The following SYT13 variants were observed in gnomAD, a reference collection of about 807,000 sequenced individuals.
SYT13 encodes synaptotagmin 13, also known as synaptotagmin-13.
A neutral mutation model predicts 38.6 loss-of-function variants in SYT13; 21 were observed. The observed-to-expected ratio is 0.54, with a 90% CI of 0.39 to 0.78. The LOEUF (loss-of-function observed/expected upper bound fraction) is 0.78. Among genes scored for constraint, SYT13 ranks in the 30% least tolerant of loss-of-function variants. The probability of loss-of-function intolerance (pLI) is 0.00; values close to 1 mark genes in which losing one functional copy is unlikely to be tolerated. For missense variants in SYT13, 495 were observed against 548.7 expected, an observed-to-expected ratio of 0.90 and a Z score of 0.98; for synonymous variants, 241 against 237.6, an observed-to-expected ratio of 1.01 and a Z score of -0.13.
chr11:45,249,454 T>C (rs1854648326), intron 4 of SYT13, among the ~76,000 whole-genome samples: 1 of 152,214 alleles, frequency 6.6e-6, no homozygotes, highest in Non-Finnish European at 1.5e-5. Context: ...TACACACATA[T>C]GTTTATTGCA....
rs543437571 is a variant in SYT13 at position 45,264,316 on chromosome 11, G to A, written c.184-8425C>T. On this transcript the variant is annotated intron_variant, in intron 1 of 5. Transcript: ENST00000020926. ...TGTCCTTGAGTATGGGCTGGACCTA[G>A]TGACTTGCTTCGAATGAACAGATTA... Among the ~76,000 whole-genome samples, 81 of 152,298 alleles carry A rather than the reference G, an allele frequency of 5.3e-4. 1 individual carries two copies. Among genetic ancestry groups the A allele is most frequent in the African/African-American group, 1.9e-3 (77 of 41,558 alleles).
chr11:45,269,401 T>C, intron 1 of SYT13: 1 of 1,173,680 alleles, frequency 8.5e-7, no homozygotes, highest in Non-Finnish European at 1.1e-6. Context: ...GATGGCAAGA[T>C]CCTACCTAGA....
chr11:45,282,019 G>C (rs1286295864), intron 1 of SYT13, among the ~76,000 whole-genome samples: 1 of 152,220 alleles, frequency 6.6e-6, no homozygotes, highest in Non-Finnish European at 1.5e-5. Flanking sequence ...GAAGTGGGCT[G>C]AGTGGCAGCC....
chr11:45,254,267 T>C lies in SYT13; in HGVS notation c.544+3A>G, dbSNP rs748353537. On this transcript the variant is annotated splice_donor_region_variant and intron_variant, in intron 3 of 5. Transcript: ENST00000020926. ...GCCCACGAGAGTCAAATAAGAGCCA[T>C]ACCTTCCAGGCGAGTCACAAACAAT... 1.2e-5 allele frequency: 19 copies of C among 1,609,018 alleles called. No individual in the cohort carries two copies. The highest frequency in any genetic ancestry group is 1.5e-5 in the Non-Finnish European group (18 of 1,177,684).
intron 1 of SYT13, among the ~76,000 whole-genome samples, chr11:45,265,373 C>T (rs1397702567): frequency 6.6e-6 from 1 of 152,246 alleles, no homozygotes. Context: ...CTGCTATTGA[C>T]CACAGTCACC....
intron 1 of SYT13, among the ~76,000 whole-genome samples, chr11:45,268,026 AG>A (rs1854906098): frequency 6.6e-6 from 1 of 152,110 alleles, no homozygotes; most frequent in Non-Finnish European, 1.5e-5. Context: ...AATCTAAAAA[AG>A]CCCATTTGTG....
At chr11:45,274,610 T>G (rs973535439) in intron 1 of SYT13, among the ~76,000 whole-genome samples, 13 of 152,192 alleles carry the variant, frequency 8.5e-5, no homozygotes, top group Non-Finnish European at 8.8e-5. Flanking sequence ...CATTCAGAAA[T>G]GCAGAATAAG....
chr11:45,245,716 A>G (rs992912215), intron 5 of SYT13, among the ~76,000 whole-genome samples: 3 of 152,212 alleles, frequency 2.0e-5, no homozygotes, highest in African/African-American at 7.2e-5. Context: ...GGGCTGGGGT[A>G]TCCAGAAGGA....
At chr11:45,285,971 C>T in intron 1 of SYT13, 54 bp downstream of exon 1, 1 of 1,568,928 alleles carries the variant, frequency 6.4e-7, no homozygotes, top group Non-Finnish European at 8.6e-7. Context: ...CCCTCTGCAG[C>T]TGCCCGGCAA....
intron 4 of SYT13, among the ~76,000 whole-genome samples, chr11:45,247,975 C>T (rs1346628306): frequency 6.6e-6 from 1 of 152,186 alleles, no homozygotes; most frequent in Non-Finnish European, 1.5e-5. Flanking sequence ...ACAGTCAAAA[C>T]AACAATTATT....
chr11:45,270,357 G>A (rs1207903266), intron 1 of SYT13, among the ~76,000 whole-genome samples: 3 of 152,090 alleles, frequency 2.0e-5, no homozygotes, highest in Non-Finnish European at 4.4e-5. Flanking sequence ...TCCCAAGACA[G>A]TCACTTTTGT....
intron 1 of SYT13, among the ~76,000 whole-genome samples, chr11:45,261,394 A>T (rs1199134137): frequency 6.6e-6 from 1 of 151,824 alleles, no homozygotes; most frequent in Non-Finnish European, 1.5e-5. Context: ...GATCGAGACC[A>T]TCCTGGCTAA....
Position 45,246,441 on chromosome 11 carries a change from C to T in SYT13, c.918G>A (p.Val306=), listed in dbSNP as rs1854614780. 1 of 1,614,158 alleles carries T rather than the reference C, an allele frequency of 6.2e-7. No individual in the cohort carries two copies. Among genetic ancestry groups the T allele is most frequent in the Non-Finnish European group, 8.5e-7 (1 of 1,180,038 alleles). ...SYLPAANRLL[V]VLIKAKNLHS... ...GGAGGTTCTTGGCTTTAATCAGCAC[C>T]ACCAGGAGGCGGTTGGCAGCCGGGA... Residue 306 remains valine, a synonymous_variant, in exon 5 of 6, where the codon GTG becomes GTA. Coordinates refer to ENST00000020926, the MANE Select transcript of SYT13 (RefSeq NM_020826.3).
chr11:45,268,962 G>C (rs10769133), intron 1 of SYT13, among the ~76,000 whole-genome samples: 49,682 of 152,026 alleles, frequency 0.33, 8,288 homozygotes, highest in South Asian at 0.4. Flanking sequence ...GGAGTGGGGA[G>C]GAGGGGGATT....
intron 5 of SYT13, among the ~76,000 whole-genome samples, chr11:45,245,488 GCCAGCAAGA>G (rs1854603146): frequency 6.6e-6 from 1 of 152,210 alleles, no homozygotes; most frequent in African/African-American, 2.4e-5. Flanking sequence ...TCAGGAACCT[GCCAGCAAGA>G]CCAACTCTTC....
intron 1 of SYT13, among the ~76,000 whole-genome samples, chr11:45,268,466 T>A (rs938014056): frequency 6.6e-6 from 1 of 152,072 alleles, no homozygotes; most frequent in African/African-American, 2.4e-5. Context: ...TGAGCTAAAA[T>A]TTGAAGAAAA....
rs2135889733 is a variant in SYT13 at position 45,252,222 on chromosome 11, C to A, written c.846+199G>T. Among the ~76,000 whole-genome samples, 1 of 152,264 alleles carries A rather than the reference C, an allele frequency of 6.6e-6. No homozygotes were observed. On this transcript the variant is annotated intron_variant, in intron 4 of 5. Coordinates refer to ENST00000020926, the MANE Select transcript of SYT13 (RefSeq NM_020826.3). This position sits in a 1 kb window ranked among gnomAD's most constrained non-coding sequence, Gnocchi z 4.3. ...AGTTAGAGCCAAGACTAGGAGCAGA[C>A]ACTAGGAATCCCAGATCCTGGGCTA... is the stretch of plus-strand genomic sequence containing the variant.
chr11:45,244,996 C>A (rs1441363314), intron 5 of SYT13, among the ~76,000 whole-genome samples: 2 of 152,196 alleles, frequency 1.3e-5, no homozygotes, highest in Admixed American at 6.5e-5. Context: ...ACTCTTCATC[C>A]CCTTGATTCT....
At chr11:45,260,214 A>G (rs1472282324) in intron 1 of SYT13, among the ~76,000 whole-genome samples, 1 of 152,218 alleles carries the variant, frequency 6.6e-6, no homozygotes, top group African/African-American at 2.4e-5. Flanking sequence ...TTAGCTGGGA[A>G]TGACTTACAG....
Sources: allele counts gnomAD v4.1 joint callset (sites outside exome capture counted in the v4.1 genomes callset), GRCh38; gene constraint gnomAD v4.1.1; non-coding constraint Gnocchi (gnomAD v3.1); transcripts MANE v1.5; gene names NCBI Gene and HGNC (gene_info 2026-07-23, HGNC 2026-07-21).